KCNQ1: variants seen among roughly 807,000 people sequenced by gnomAD.
KCNQ1 encodes the protein potassium voltage-gated channel subfamily KQT member 1.
A neutral mutation model predicts 72.4 loss-of-function variants in KCNQ1; 49 were observed. The observed-to-expected ratio is 0.68, with a 90% CI of 0.54 to 0.86. The LOEUF (loss-of-function observed/expected upper bound fraction) is 0.86. Among genes scored for constraint, KCNQ1 ranks in the 40% least tolerant of loss-of-function variants. The probability of loss-of-function intolerance (pLI) is 0.00; values close to 1 mark genes in which losing one functional copy is unlikely to be tolerated. For missense variants in KCNQ1, 790 were observed against 945.1 expected (o/e 0.84, Z 2.15); for synonymous variants, 450 against 412.6 (o/e 1.09, Z -1.10).
rs1564811915 is a variant in KCNQ1, at chr11:2,544,264, G to GTATATATA, written c.477+16247_477+16248insATATATAT. Among the ~76,000 whole-genome samples the GTATATATA allele has an allele frequency of 1.3e-3, 173 of 138,350 alleles. 8 individuals are homozygous for GTATATATA. Among genetic ancestry groups the GTATATATA allele is most frequent in the African/African-American group, 4.8e-3 (170 of 35,480 alleles). The allele number at this position is 138,350 out of a possible 152,430, so 90.8% of individuals were successfully genotyped here. ...TGTGTGTGTGTATATATATATGTGT[G>GTATATATA]TGTGTGTATATATATGTGTATATAT... is the stretch of plus-strand genomic sequence containing the variant. On this transcript the variant is annotated intron_variant, in intron 2 of 15. Transcript: ENST00000155840. The surrounding 1 kb of genome is among the most constrained non-coding windows in gnomAD (Gnocchi z 4.4).
intron 10 of KCNQ1, among the ~76,000 whole-genome samples, chr11:2,606,190 AG>A (rs1318088482): frequency 1.3e-5 from 2 of 152,184 alleles, no homozygotes; most frequent in Non-Finnish European, 2.9e-5. Context: ...GACAGTGTGT[AG>A]AAATACAATT....
At chr11:2,460,082 C>A (rs1213628359) in intron 1 of KCNQ1, among the ~76,000 whole-genome samples, 2 of 152,170 alleles carry the variant, frequency 1.3e-5, no homozygotes, top group Non-Finnish European at 2.9e-5. Flanking sequence ...GACTGCCACC[C>A]CCAGGGGGCC....
chr11:2,551,863 T>C (rs889362733), intron 2 of KCNQ1, among the ~76,000 whole-genome samples: 3 of 152,246 alleles, frequency 2.0e-5, no homozygotes, highest in African/African-American at 7.2e-5. Context: ...GTGTTGGGCA[T>C]ATTTGCCATT....
chr11:2,515,955 A>G lies in KCNQ1; in HGVS notation c.387-11973A>G, dbSNP rs1266940347. On this transcript the variant is annotated intron_variant, in intron 1 of 15. Transcript: ENST00000155840. The surrounding 1 kb of genome is among the most constrained non-coding windows in gnomAD (Gnocchi z 4.7). ...GGCCCTGACCACCTCTATGTGTGCCATGGCTGCAGTGACAGCCCAGACCCC... is the reference window on the plus strand; with the variant it reads ...GGCCCTGACCACCTCTATGTGTGCCGTGGCTGCAGTGACAGCCCAGACCCC... 6.6e-6 allele frequency among the ~76,000 whole-genome samples: 1 copy of G among 151,750 alleles called. No individual in the cohort carries two copies. The highest frequency in any genetic ancestry group is 1.5e-5 in the Non-Finnish European group (1 of 67,950).
rs1017383951 is a variant in KCNQ1 at position 2,745,807 on chromosome 11, G to T, written c.1515-23037G>T. On this transcript the variant is annotated intron_variant, in intron 11 of 15. Transcript: ENST00000155840. The surrounding 1 kb of genome is among the most constrained non-coding windows in gnomAD (Gnocchi z 6.2). Reference sequence around the variant, plus strand: ...GGCCGCCTTCAGGCCTGAGCCCGGGGCCAGGACCAGGAGCAGGCGGCAGCA... The same window carrying T: ...GGCCGCCTTCAGGCCTGAGCCCGGGTCCAGGACCAGGAGCAGGCGGCAGCA... 6.6e-6 allele frequency among the ~76,000 whole-genome samples: 1 copy of T among 152,266 alleles called. No individual in the cohort carries two copies. Among genetic ancestry groups the T allele is most frequent in the African/African-American group, 2.4e-5 (1 of 41,482 alleles).
At position 2,620,557 on chromosome 11, in the gene KCNQ1, A is replaced by G. The variant is rs991246636; in HGVS notation, c.1393+31703A>G. The G allele has an allele frequency of 3.3e-5, 13 of 396,552 alleles. No homozygotes were observed. The highest frequency in any genetic ancestry group is 5.3e-5 in the Non-Finnish European group (12 of 225,352). 24.6% of individuals were successfully genotyped at this position (396,552 alleles called of 1,614,324 possible). Reference sequence around the variant, plus strand: ...ATGGCTGCATAGTATTCCATGGTGTACATGTACCACATTTTCTTTATCCAA... The same window carrying G: ...ATGGCTGCATAGTATTCCATGGTGTGCATGTACCACATTTTCTTTATCCAA... On this transcript the variant is annotated intron_variant, in intron 10 of 15. Coordinates refer to ENST00000155840, the MANE Select transcript of KCNQ1 (RefSeq NM_000218.3). The surrounding 1 kb of genome is among the most constrained non-coding windows in gnomAD (Gnocchi z 4.5).
At chr11:2,465,460 C>T (rs1291201559) in intron 1 of KCNQ1, among the ~76,000 whole-genome samples, 1 of 152,230 alleles carries the variant, frequency 6.6e-6, no homozygotes, top group Non-Finnish European at 1.5e-5. Flanking sequence ...CCACGGCCCC[C>T]ACCAGGGCTG....
intron 1 of KCNQ1, among the ~76,000 whole-genome samples, chr11:2,503,701 A>T (rs1847053551): frequency 6.6e-6 from 1 of 151,728 alleles, no homozygotes; most frequent in Non-Finnish European, 1.5e-5. Context: ...AATAATAAAA[A>T]AACAAATGAC....
chr11:2,715,595 C>G lies in KCNQ1; in HGVS notation c.1515-53249C>G, dbSNP rs1236025046. Among the ~76,000 whole-genome samples the G allele has an allele frequency of 1.3e-5, 2 of 152,138 alleles. No individual in the cohort carries two copies. Among genetic ancestry groups the G allele is most frequent in the Non-Finnish European group, 2.9e-5 (2 of 68,002 alleles). ...TCTTCCACCACCCCTGCTGGGGTCCCCTGGGACCCATCCTTCCAAGCCCCT... is the reference window on the plus strand; with the variant it reads ...TCTTCCACCACCCCTGCTGGGGTCCGCTGGGACCCATCCTTCCAAGCCCCT... On this transcript the variant is annotated intron_variant, in intron 11 of 15. Coordinates refer to ENST00000155840, the MANE Select transcript of KCNQ1 (RefSeq NM_000218.3). The surrounding 1 kb of genome is among the most constrained non-coding windows in gnomAD (Gnocchi z 4.9).
chr11:2,454,513 A>G (rs1846158266), intron 1 of KCNQ1, among the ~76,000 whole-genome samples: 1 of 152,184 alleles, frequency 6.6e-6, no homozygotes, highest in Non-Finnish European at 1.5e-5. Flanking sequence ...ATAGAGCTGC[A>G]TGCAGTGGCC....
At chr11:2,756,951 TAAAAAAAAAAAAAAAA>T (rs58284663) in intron 11 of KCNQ1, among the ~76,000 whole-genome samples, 8 of 50,988 alleles carry the variant, frequency 1.6e-4, no homozygotes, top group African/African-American at 4.0e-4. Flanking sequence ...AAGAGCATCT[TAAAAAAAAAAAAAAAA>T]AAAAAAAAAA....
Position 2,678,509 on chromosome 11 carries a change from C to CT in KCNQ1, c.1514+16429dup, listed in dbSNP as rs1827290891. 4 of 398,476 alleles carry CT rather than the reference C, an allele frequency of 1.0e-5. No individual in the cohort carries two copies. The Admixed American group carries it at 1.8e-4, about 18-fold the overall frequency. The allele number at this position is 398,476 out of a possible 1,614,324, so 24.7% of individuals were successfully genotyped here. A position where few individuals can be genotyped will look rare whatever the true frequency, so the allele number is the denominator to read the frequency against. Reference sequence around the variant, plus strand: ...TTTAATTTGTGTCCATTTCTAGACTCTATTCTGGACTGCTGATGGGCCTGT... The same window carrying CT: ...TTTAATTTGTGTCCATTTCTAGACTCTTATTCTGGACTGCTGATGGGCCTGT... On this transcript the variant is annotated intron_variant, in intron 11 of 15. Transcript: ENST00000155840. The surrounding 1 kb of genome is among the most constrained non-coding windows in gnomAD (Gnocchi z 4.9).
chr11:2,524,060 G>A (rs1847449621), intron 1 of KCNQ1, among the ~76,000 whole-genome samples: 1 of 152,162 alleles, frequency 6.6e-6, no homozygotes, highest in Non-Finnish European at 1.5e-5. Flanking sequence ...GGGTGACTGA[G>A]GGATGGCTCG....
intron 11 of KCNQ1, among the ~76,000 whole-genome samples, chr11:2,751,660 C>T (rs1590068275): frequency 6.6e-6 from 1 of 152,282 alleles, no homozygotes; most frequent in Non-Finnish European, 1.5e-5. Flanking sequence ...GTGGCTGTCC[C>T]AGGGAAGCCC....
At chr11:2,737,908 C>A (rs1021341373) in intron 11 of KCNQ1, among the ~76,000 whole-genome samples, 2 of 152,138 alleles carry the variant, frequency 1.3e-5, no homozygotes, top group Non-Finnish European at 2.9e-5. Flanking sequence ...GGTTGGTGCC[C>A]CCTGCCCAGG....
intron 10 of KCNQ1, among the ~76,000 whole-genome samples, chr11:2,607,498 G>A (rs1848899742): frequency 6.6e-6 from 1 of 152,154 alleles, no homozygotes; most frequent in Non-Finnish European, 1.5e-5. Context: ...CCTTGTAAAA[G>A]AGACCTCAGT....
intron 6 of KCNQ1, among the ~76,000 whole-genome samples, chr11:2,581,357 C>G (rs1848495480): frequency 6.6e-6 from 1 of 152,242 alleles, no homozygotes; most frequent in South Asian, 2.1e-4. Flanking sequence ...GCCCCGCCCA[C>G]TTTGCAGCCC....
intron 10 of KCNQ1, chr11:2,640,955 A>G (rs909603953): frequency 1.0e-5 from 4 of 398,808 alleles, no homozygotes; most frequent in African/African-American, 2.1e-5. Flanking sequence ...GCTTAAAATA[A>G]TGACCTCCAG....
rs1395158596 is a variant in KCNQ1, at chr11:2,481,049, A to T, written c.386+35565A>T. ...TGAAATCATATAAATCGAAAGTTAG[A>T]AGAGAATTACCACATCATGTTGGAT... On this transcript the variant is annotated intron_variant, in intron 1 of 15. Transcript: ENST00000155840. This position sits in a 1 kb window ranked among gnomAD's most constrained non-coding sequence, Gnocchi z 4.6. 1.3e-5 allele frequency among the ~76,000 whole-genome samples: 2 copies of T among 152,222 alleles called. No individual in the cohort carries two copies. Among genetic ancestry groups the T allele is most frequent in the Non-Finnish European group, 2.9e-5 (2 of 68,048 alleles).
Sources: allele counts gnomAD v4.1 joint callset (sites outside exome capture counted in the v4.1 genomes callset), GRCh38; gene constraint gnomAD v4.1.1; non-coding constraint Gnocchi (gnomAD v3.1); transcripts MANE v1.5; gene names NCBI Gene and HGNC (gene_info 2026-07-23, HGNC 2026-07-21).